The following STAU1 variants were observed in gnomAD, a reference collection of about 807,000 sequenced individuals.
STAU1 encodes staufen double-stranded RNA binding protein 1.
In STAU1, 13 loss-of-function variants were observed where a neutral mutation model predicts 62.9. That is an observed-to-expected ratio of 0.21 (90% CI 0.13 to 0.33). The LOEUF (loss-of-function observed/expected upper bound fraction) is 0.33. STAU1 is among the 10% of genes least tolerant of loss of function. The pLI is 1.00. For missense variants in STAU1, 571 were observed against 712.1 expected (o/e 0.80, Z 2.25); for synonymous variants, 269 against 265.1 (o/e 1.01, Z -0.14).
At chr20:49,134,723 C>A in intron 6 of STAU1, 3 of 1,092,196 alleles carry the variant, frequency 2.7e-6, no homozygotes, top group Non-Finnish European at 4.2e-6. Context: ...TCTGAAAAAA[C>A]TCCAAAAGTG....
At chr20:49,118,525 A>C in intron 9 of STAU1, 117 bp from the exon 10 acceptor site, 3 of 803,360 alleles carry the variant, frequency 3.7e-6, no homozygotes, top group Non-Finnish European at 5.9e-6. Context: ...GGCAATCGGC[A>C]GAAAAACCCT....
At chr20:49,134,887 A>C in intron 6 of STAU1, 1 of 1,589,108 alleles carries the variant, frequency 6.3e-7, no homozygotes, top group Non-Finnish European at 8.6e-7. Context: ...TACAACAGCT[A>C]AGGCAAGAGA....
Position 49,123,082 on chromosome 20 carries a change from G to A in STAU1, c.966+10C>T, listed in dbSNP as rs1410766906. 1 of 1,582,888 alleles carries A rather than the reference G, an allele frequency of 6.3e-7. No individual in the cohort carries two copies. The highest frequency in any genetic ancestry group is 8.6e-7 in the Non-Finnish European group (1 of 1,164,826). ...AGAGGAAGGGGCGCCCATCATCCATGCGGACCCACCTGCATCACAAACTCC... is the reference window on the plus strand; with the variant it reads ...AGAGGAAGGGGCGCCCATCATCCATACGGACCCACCTGCATCACAAACTCC... On this transcript the variant is annotated intron_variant, in intron 8 of 13. Coordinates refer to ENST00000371856, the MANE Select transcript of STAU1 (RefSeq NM_017453.4).
At chr20:49,211,984 A>G in the STAU1 span, among the ~76,000 whole-genome samples, 2 of 152,216 alleles carry the variant, frequency 1.3e-5, no homozygotes, top group Non-Finnish European at 2.9e-5. Context: ...CTTCATGAAC[A>G]GTTGGTTTTT....
At chr20:49,150,453 C>T (rs950608324) in intron 5 of STAU1, among the ~76,000 whole-genome samples, 1 of 152,016 alleles carries the variant, frequency 6.6e-6, no homozygotes, top group East Asian at 1.9e-4. Context: ...GCTCCGCCTC[C>T]CGGGTTCATG....
intron 5 of STAU1, among the ~76,000 whole-genome samples, chr20:49,147,045 C>A (rs925611452): frequency 3.3e-5 from 5 of 152,164 alleles, no homozygotes; most frequent in African/African-American, 7.2e-5. Flanking sequence ...TAACTTGGGG[C>A]CTTTGCAACT....
intron 5 of STAU1, among the ~76,000 whole-genome samples, chr20:49,147,993 T>A (rs1015422364): frequency 6.6e-6 from 1 of 152,258 alleles, no homozygotes; most frequent in African/African-American, 2.4e-5. Flanking sequence ...AAATCATTCA[T>A]TGTTCCTTGT....
chr20:49,140,527 A>G (rs929974694), intron 5 of STAU1, among the ~76,000 whole-genome samples: 1 of 152,186 alleles, frequency 6.6e-6, no homozygotes, highest in Non-Finnish European at 1.5e-5. Context: ...CCTTGAAAAC[A>G]TTACAGTAAG....
intron 5 of STAU1, among the ~76,000 whole-genome samples, chr20:49,147,733 A>G (rs1328063956): frequency 6.6e-6 from 1 of 152,254 alleles, no homozygotes. Flanking sequence ...AAAGCAGTGC[A>G]TTCACATAGT....
chr20:49,126,709 A>G (rs181003811), intron 6 of STAU1, among the ~76,000 whole-genome samples: 62 of 152,174 alleles, frequency 4.1e-4, no homozygotes, highest in African/African-American at 1.5e-3. Context: ...CAACTAGGAT[A>G]TGGTTTTGTG....
In STAU1 at chr20:49,151,721, G is replaced by A; in HGVS notation, c.371C>T (p.Pro124Leu). Residue 124 changes from proline to leucine, a missense_variant, in exon 5 of 14, where the codon CCT becomes CTT. This residue lies in a region of STAU1 where 414 missense variants were observed against 499.6 expected (regional missense o/e 0.83). Coordinates refer to ENST00000371856, the MANE Select transcript of STAU1 (RefSeq NM_017453.4). The part of the protein sequence containing the change: ...PRYFYPFPVP[P>L]LLYQVELSVG... ...AGAAAGTTCCACTTGATAAAGTAAA[G>A]GTGGAACTGGAAATGGGTAAAAGTA... The A allele has an allele frequency of 6.2e-7, 1 of 1,609,652 alleles. No homozygotes were observed. Among genetic ancestry groups the A allele is most frequent in the Non-Finnish European group, 8.5e-7 (1 of 1,178,686 alleles).
chr20:49,204,412 G>A, the STAU1 span, among the ~76,000 whole-genome samples: 3 of 151,348 alleles, frequency 2.0e-5, no homozygotes, highest in African/African-American at 7.3e-5. Flanking sequence ...ATATTTACAT[G>A]CATAGTTCTA....
At chr20:49,152,286 C>G (rs1461117100) in intron 4 of STAU1, among the ~76,000 whole-genome samples, 1 of 150,920 alleles carries the variant, frequency 6.6e-6, no homozygotes, top group Non-Finnish European at 1.5e-5. Flanking sequence ...TATCCCCCAA[C>G]AGAGAGCAGG....
chr20:49,140,128 G>A (rs934689779), intron 5 of STAU1, among the ~76,000 whole-genome samples: 1 of 151,946 alleles, frequency 6.6e-6, no homozygotes, highest in Admixed American at 6.6e-5. Flanking sequence ...GGAGGTTGCA[G>A]TGAGCCGAGA....
At chr20:49,134,447 A>AAAAAAAAAAAAAAAAAAAAAC in intron 6 of STAU1, 1 of 624,488 alleles carries the variant, frequency 1.6e-6, no homozygotes. Context: ...AAAAAAAAAA[A>AAAAAAAAAAAAAAAAAAAAAC]AAGCTCTGGG....
chr20:49,200,851 A>G, the STAU1 span, among the ~76,000 whole-genome samples: 28 of 151,448 alleles, frequency 1.8e-4, no homozygotes, highest in African/African-American at 6.8e-4. Flanking sequence ...CCTGGGCAAT[A>G]TAGTGAGATG....
Position 49,181,766 on chromosome 20 carries a change from C to CAAAAA in STAU1, c.-160+6345_-160+6349dup, listed in dbSNP as rs758956478. ...GGGCAACAGAGCAAGACTATCTCAA[C>CAAAAA]AAAAAAAAAAAAAAAAAAAAAAAAA... On this transcript the variant is annotated intron_variant, in intron 1 of 13. Coordinates refer to ENST00000371856, the MANE Select transcript of STAU1 (RefSeq NM_017453.4). Among the ~76,000 whole-genome samples the CAAAAA allele has an allele frequency of 1.1e-3, 27 of 24,502 alleles. 1 individual carries two copies. Among genetic ancestry groups the CAAAAA allele is most frequent in the Admixed American group, 1.5e-3 (3 of 2,024 alleles). 16.1% of individuals were successfully genotyped at this position (24,502 alleles called of 152,430 possible). A position where few individuals can be genotyped will look rare whatever the true frequency, so the allele number is the denominator to read the frequency against.
At chr20:49,215,823 A>C in the STAU1 span, among the ~76,000 whole-genome samples, 1 of 151,880 alleles carries the variant, frequency 6.6e-6, no homozygotes, top group African/African-American at 2.4e-5. Context: ...ACTGGCCAAC[A>C]TGGTGAGACC....
intron 1 of STAU1, among the ~76,000 whole-genome samples, chr20:49,180,334 C>CG (rs1187633146): frequency 6.7e-6 from 1 of 148,466 alleles, no homozygotes; most frequent in Non-Finnish European, 1.5e-5. Flanking sequence ...TTTTTTTTTC[C>CG]CCCCCTGGAT....
Sources: allele counts gnomAD v4.1 joint callset (sites outside exome capture counted in the v4.1 genomes callset), GRCh38; gene constraint gnomAD v4.1.1; regional missense constraint gnomAD v4.1.1; transcripts MANE v1.5; gene names NCBI Gene and HGNC (gene_info 2026-07-23, HGNC 2026-07-21).